SYT16: variants seen among roughly 807,000 people sequenced by gnomAD.
SYT16 encodes synaptotagmin-16.
SYT16 carries 42 observed loss-of-function variants against 61.4 expected under a neutral mutation model. That is an observed-to-expected ratio of 0.68 (90% confidence interval 0.53 to 0.89). SYT16 has a LOEUF of 0.89. SYT16 is among the 40% of genes least tolerant of loss of function. The pLI, the probability that SYT16 is intolerant of heterozygous loss-of-function variation, is 0.00. For synonymous variants in SYT16, 314 were observed against 302.3 expected, an observed-to-expected ratio of 1.04 and a Z score of -0.40; for missense variants, 804 against 807.3, an observed-to-expected ratio of 1.00 and a Z score of 0.05.
intron 3 of SYT16, among the ~76,000 whole-genome samples, chr14:62,054,667 G>C (rs2055467870): frequency 6.6e-6 from 1 of 152,006 alleles, no homozygotes; most frequent in Non-Finnish European, 1.5e-5. Context: ...TGGCTAGTGA[G>C]TCTATTCTTA....
At position 62,069,769 on chromosome 14, in the gene SYT16, G is replaced by A. The variant is rs368163995; in HGVS notation, c.690G>A (p.Ser230=). 7.7e-5 allele frequency: 124 copies of A among 1,613,914 alleles called. No individual in the cohort carries two copies. Among genetic ancestry groups the A allele is most frequent in the Middle Eastern group, 1.6e-4 (1 of 6,076 alleles). ...AGCAGAAACCAAAATTCAGCCGTTC[G>A]TTGTTGACACACGGAGAAGATGGCA... The part of the protein sequence containing the change: ...GLEQKPKFSR[S]LLTHGEDGTE... The change falls in exon 4 of 8, where the codon TCG becomes TCA. Residue 230 remains serine, a synonymous_variant. Transcript: ENST00000683842.
intron 3 of SYT16, among the ~76,000 whole-genome samples, chr14:62,061,685 A>G (rs1380917620): frequency 6.6e-6 from 1 of 152,284 alleles, no homozygotes; most frequent in East Asian, 1.9e-4. Context: ...TGGTCAATTC[A>G]TCAAGAAGAC....
At chr14:62,034,188 AAGAC>A (rs2054415695) in intron 3 of SYT16, among the ~76,000 whole-genome samples, 1 of 152,218 alleles carries the variant, frequency 6.6e-6, no homozygotes, top group African/African-American at 2.4e-5. Flanking sequence ...TGTAATAAAA[AAGAC>A]AGATAATAAC....
intron 1 of SYT16, among the ~76,000 whole-genome samples, chr14:61,834,451 T>C (rs2046059244): frequency 6.8e-6 from 1 of 146,642 alleles, no homozygotes; most frequent in African/African-American, 2.5e-5. Context: ...TTTTTTTTTT[T>C]TGAGACAGAG....
chr14:61,935,849 A>G (rs2049960721), intron 1 of SYT16, among the ~76,000 whole-genome samples: 1 of 152,262 alleles, frequency 6.6e-6, no homozygotes, highest in South Asian at 2.1e-4. Context: ...AGAACATATG[A>G]AAACATTTTG....
chr14:62,064,475 G>C (rs1043497425), intron 3 of SYT16, among the ~76,000 whole-genome samples: 2 of 152,018 alleles, frequency 1.3e-5, no homozygotes, highest in Admixed American at 6.6e-5. Flanking sequence ...CAGCTTTTTG[G>C]CTTTAGTTTT....
chr14:61,871,584 C>G (rs1045259599), intron 1 of SYT16, among the ~76,000 whole-genome samples: 1 of 152,180 alleles, frequency 6.6e-6, no homozygotes, highest in Non-Finnish European at 1.5e-5. Context: ...TCTCAGGGAT[C>G]ACCATTTAGT....
At chr14:62,097,851 C>A (rs2057317072) in intron 7 of SYT16, among the ~76,000 whole-genome samples, 1 of 152,202 alleles carries the variant, frequency 6.6e-6, no homozygotes, top group South Asian at 2.1e-4. Context: ...CACTGCTATA[C>A]CTGGCAGCAC....
At chr14:61,899,544 A>C (rs2048437673) in intron 1 of SYT16, among the ~76,000 whole-genome samples, 1 of 152,230 alleles carries the variant, frequency 6.6e-6, no homozygotes, top group African/African-American at 2.4e-5. Context: ...TGAAAGGTAC[A>C]AAGCATCAGT....
At chr14:61,950,633 G>A (rs2050633227) in intron 1 of SYT16, among the ~76,000 whole-genome samples, 1 of 152,096 alleles carries the variant, frequency 6.6e-6, no homozygotes, top group Non-Finnish European at 1.5e-5. Flanking sequence ...CTAGAACTTC[G>A]GCCCACGTGG....
chr14:61,871,395 C>T (rs2047327944), intron 1 of SYT16, among the ~76,000 whole-genome samples: 1 of 152,150 alleles, frequency 6.6e-6, no homozygotes, highest in Non-Finnish European at 1.5e-5. Flanking sequence ...GTCTCTTCTG[C>T]AGTGCTTTAC....
At position 61,821,817 on chromosome 14, in the gene SYT16, G is replaced by T. The variant is rs1306773261; in HGVS notation, c.-325+9007G>T. Among the ~76,000 whole-genome samples, 4 of 152,160 alleles carry T rather than the reference G, an allele frequency of 2.6e-5. No individual in the cohort carries two copies. In the South Asian group the frequency reaches 8.3e-4, roughly 32 times the overall value. On this transcript the variant is annotated intron_variant, in intron 1 of 7. Transcript: ENST00000683842. ...ATGAGGATAATCATAAACCATCTTAGAGTCTGTCTGCTATACTCCCCATGA... is the reference window on the plus strand; with the variant it reads ...ATGAGGATAATCATAAACCATCTTATAGTCTGTCTGCTATACTCCCCATGA...
intron 3 of SYT16, chr14:62,069,372 G>A (rs559995100): frequency 2.2e-5 from 12 of 548,206 alleles, no homozygotes; most frequent in South Asian, 2.0e-4. Context: ...CCAATGATTT[G>A]TCTTGGGTTC....
chr14:61,817,010 C>CAAA lies in SYT16; in HGVS notation c.-325+4201_-325+4202insAAA, dbSNP rs1491408669. Among the ~76,000 whole-genome samples the CAAA allele has an allele frequency of 9.6e-3, 38 of 3,948 alleles. 1 individual carries two copies. Among genetic ancestry groups the CAAA allele is most frequent in the African/African-American group, 0.013 (35 of 2,754 alleles). 2.6% of individuals were successfully genotyped at this position (3,948 alleles called of 152,430 possible). A position where few individuals can be genotyped will look rare whatever the true frequency, so the allele number is the denominator to read the frequency against. ...TGGGCGACAGAGTGAGGCTCCGTCA[C>CAAA]ACACACACACACACACACAAAAAAA... is the stretch of plus-strand genomic sequence containing the variant. On this transcript the variant is annotated intron_variant, in intron 1 of 7. Transcript: ENST00000683842.
chr14:61,984,595 C>G (rs1159772826), intron 2 of SYT16, among the ~76,000 whole-genome samples: 1 of 152,078 alleles, frequency 6.6e-6, no homozygotes. Flanking sequence ...CTGAGCTATG[C>G]TAACAGAAGA....
chr14:61,870,478 T>A (rs1356211157), intron 1 of SYT16, among the ~76,000 whole-genome samples: 3 of 152,098 alleles, frequency 2.0e-5, no homozygotes, highest in Admixed American at 6.5e-5. Context: ...GCTTGGGGTT[T>A]ACCAAACTCC....
At chr14:61,981,865 C>T (rs2052093313) in intron 2 of SYT16, among the ~76,000 whole-genome samples, 3 of 152,082 alleles carry the variant, frequency 2.0e-5, no homozygotes, top group African/African-American at 7.2e-5. Context: ...GAAACAGATT[C>T]TTCTTGGGGC....
chr14:61,864,075 A>T (rs910756690), intron 1 of SYT16, among the ~76,000 whole-genome samples: 5 of 152,238 alleles, frequency 3.3e-5, no homozygotes, highest in Admixed American at 1.3e-4. Flanking sequence ...TGCATGGACT[A>T]TTCTGGTAAT....
At chr14:61,944,274 G>A (rs1026015920) in intron 1 of SYT16, among the ~76,000 whole-genome samples, 4 of 152,166 alleles carry the variant, frequency 2.6e-5, no homozygotes, top group African/African-American at 9.7e-5. Flanking sequence ...TTAATGGATA[G>A]GAAGAATTAA....
Sources: allele counts gnomAD v4.1 joint callset (sites outside exome capture counted in the v4.1 genomes callset), GRCh38; gene constraint gnomAD v4.1.1; transcripts MANE v1.5; gene names NCBI Gene and HGNC (gene_info 2026-07-23, HGNC 2026-07-21).